Variants in RTP5 observed in about 807,000 individuals in gnomAD.
RTP5 encodes receptor-transporting protein 5.
RTP5 carries 30 observed loss-of-function variants against 23.5 expected under a neutral mutation model. That is an observed-to-expected ratio of 1.27 (90% CI 0.95 to 1.73). RTP5 has a LOEUF of 1.73. Ranked by LOEUF, RTP5 falls within the 40% of genes most tolerant of loss-of-function variation. RTP5 has a pLI of 0.00. For synonymous variants in RTP5, 354 were observed against 342.1 expected, an observed-to-expected ratio of 1.03 and a Z score of -0.38; for missense variants, 807 against 784.2, an observed-to-expected ratio of 1.03 and a Z score of -0.35.
Position 241,871,563 on chromosome 2 carries a change from G to A in RTP5, c.159-151G>A, listed in dbSNP as rs1008892965. The A allele has an allele frequency of 3.6e-6, 4 of 1,121,202 alleles. No homozygotes were observed. The Admixed American group carries it at 1.3e-4, about 35-fold the overall frequency. 69.5% of individuals were successfully genotyped at this position (1,121,202 alleles called of 1,614,324 possible). On this transcript the variant is annotated intron_variant, in intron 1 of 1. Transcript: ENST00000343216. ...TTGGCCGCGGCCCTGGGTGGCTGGG[G>A]GGTGAGGTTTGAGGTTTGAGTGTGG...
In RTP5 at chr2:241,871,849, C is replaced by A. The variant is rs200179067; in HGVS notation, c.294C>A (p.Pro98=). Residue 98 remains proline, a synonymous_variant, in exon 2 of 2, where the codon CCC becomes CCA. Transcript: ENST00000343216. The stretch of plus-strand genomic sequence containing the variant: ...GGGGCCAGCGGTGCAGGCTGTGCCC[C>A]GCACCCGGGGACTGCCAGGTGAGGC... ...RIWGQRCRLC[P]APGDCQVRPP... 2.6e-6 allele frequency: 4 copies of A among 1,547,612 alleles called. No homozygotes were observed. Among genetic ancestry groups the A allele is most frequent in the Non-Finnish European group, 3.5e-6 (4 of 1,145,316 alleles).
At position 241,872,470 on chromosome 2, in the gene RTP5, C is replaced by G. The variant is rs1184480705; in HGVS notation, c.915C>G (p.Gly305=). 6.3e-7 allele frequency: 1 copy of G among 1,597,840 alleles called. No homozygotes were observed. The highest frequency in any genetic ancestry group is 8.5e-7 in the Non-Finnish European group (1 of 1,174,230). The part of the protein sequence containing the change: ...SLCSPVGVAQ[G]WGPISLNNGL... ...GCAGCCCGGTTGGCGTGGCCCAGGG[C>G]TGGGGCCCCATCTCCCTCAACAATG... Residue 305 remains glycine, a synonymous_variant, in exon 2 of 2, where the codon GGC becomes GGG. Transcript: ENST00000343216.
chr2:241,871,728 A>G lies in RTP5; in HGVS notation c.173A>G (p.His58Arg). Residue 58 changes from histidine (H) to arginine (R), a missense_variant, in exon 2 of 2, where the codon CAC (histidine) becomes CGC (arginine). By Grantham distance (29) the His-to-Arg change is conservative. Transcript: ENST00000343216. ...LVGLSRLQCG[H>R]CPGTWDSAHV... is the part of the protein sequence containing the mutation. ...CCCCGCCGCAGGCTCCAGTGCGGTC[A>G]CTGTCCGGGGACCTGGGACTCGGCC... The G allele has an allele frequency of 6.2e-7, 1 of 1,605,844 alleles. No homozygotes were observed. The highest frequency in any genetic ancestry group is 8.5e-7 in the Non-Finnish European group (1 of 1,176,902).
chr2:241,870,412 G>A (rs866649035), intron 1 of RTP5, among the ~76,000 whole-genome samples: 6 of 152,364 alleles, frequency 3.9e-5, no homozygotes, highest in Non-Finnish European at 8.8e-5. Flanking sequence ...GCAGCAGGGC[G>A]GGCGCCATGC....
rs762376083 is a variant in RTP5 at position 241,872,500 on chromosome 2, C to T, written c.945C>T (p.Leu315=). Residue 315 remains leucine, a synonymous_variant, in exon 2 of 2, where the codon CTC becomes CTT. Transcript: ENST00000343216. ...GCCCCATCTCCCTCAACAATGGCCTCGTCCCTGTGGGGAAACACACGCCAA... is the reference window on the plus strand; with the variant it reads ...GCCCCATCTCCCTCAACAATGGCCTTGTCCCTGTGGGGAAACACACGCCAA... ...GWGPISLNNG[L]VPVGKHTPTV... The T allele has an allele frequency of 1.4e-5, 23 of 1,591,358 alleles. No homozygotes were observed. The highest frequency in any genetic ancestry group is 9.0e-5 in the South Asian group (8 of 88,856).
Position 241,872,241 on chromosome 2 carries a change from C to T in RTP5, c.686C>T (p.Ser229Phe), listed in dbSNP as rs1450115292. The change falls in exon 2 of 2, where the codon TCT becomes TTT. Residue 229 changes from serine (S) to phenylalanine (F), a missense_variant. By Grantham distance (155) the Ser-to-Phe change is radical (BLOSUM62 -2). Transcript: ENST00000343216. The part of the protein sequence containing the change: ...AEGPAPPAGA[S>F]LPVTGSCEAL... ...GGCCCTGCCCCCCCTGCGGGGGCCT[C>T]TCTCCCTGTGACTGGCAGCTGTGAG... 6.2e-7 allele frequency: 1 copy of T among 1,606,176 alleles called. No individual in the cohort carries two copies. The highest frequency in any genetic ancestry group is 8.5e-7 in the Non-Finnish European group (1 of 1,175,726).
At chr2:241,870,562 T>C (rs1461375038) in intron 1 of RTP5, among the ~76,000 whole-genome samples, 2 of 152,230 alleles carry the variant, frequency 1.3e-5, no homozygotes, top group Admixed American at 6.5e-5. Flanking sequence ...GGAGACACCC[T>C]GGGCAAAGGG....
chr2:241,870,894 G>A (rs1187001379), intron 1 of RTP5: 2 of 469,120 alleles, frequency 4.3e-6, no homozygotes, highest in East Asian at 7.0e-5. Flanking sequence ...GGCCAGTGTG[G>A]TTGGAGGCTG....
chr2:241,869,924 G>C lies in RTP5; in HGVS notation c.158+10G>C, dbSNP rs373640746. Reference sequence around the variant, plus strand: ...TGGTGGGGCTCTCGAGGTGCGGCCAGAGGTTGGGGACCCTGGGAGAGGCAG... The same window carrying C: ...TGGTGGGGCTCTCGAGGTGCGGCCACAGGTTGGGGACCCTGGGAGAGGCAG... On this transcript the variant is annotated intron_variant, in intron 1 of 1. Coordinates refer to ENST00000343216, the MANE Select transcript of RTP5 (RefSeq NM_173821.3). 799 of 1,511,462 alleles carry C rather than the reference G, an allele frequency of 5.3e-4. No individual in the cohort carries two copies. Among genetic ancestry groups the C allele is most frequent in the Non-Finnish European group, 6.6e-4 (746 of 1,133,790 alleles). The allele number at this position is 1,511,462 out of a possible 1,614,324, so 93.6% of individuals were successfully genotyped here. A position where few individuals can be genotyped will look rare whatever the true frequency, so the allele number is the denominator to read the frequency against.
chr2:241,869,861 C>A lies in RTP5; in HGVS notation c.105C>A (p.Val35=). 6.3e-7 allele frequency: 1 copy of A among 1,588,170 alleles called. No homozygotes were observed. Among genetic ancestry groups the A allele is most frequent in the Non-Finnish European group, 8.6e-7 (1 of 1,169,120 alleles). The change falls in exon 1 of 2, where the codon GTC becomes GTA. Residue 35 remains valine, a synonymous_variant. Coordinates refer to ENST00000343216, the MANE Select transcript of RTP5 (RefSeq NM_173821.3). ...VWVLLPEHSL[V]PGCLDGGGVQ... ...TTCTGCTACCTGAGCACAGCCTGGT[C>A]CCGGGATGCCTGGACGGCGGTGGTG...
chr2:241,872,387 A>G lies in RTP5; in HGVS notation c.832A>G (p.Ser278Gly). ...CTTCCACGGCCCCGGCCTCCTCGGC[A>G]GCAGCATCCAGACCTTCGAGCTCAA... ...PLFHGPGLLG[S>G]SIQTFELKGF... Residue 278 changes from serine to glycine, a missense_variant, in exon 2 of 2, where the codon AGC becomes GGC. Transcript: ENST00000343216. The G allele has an allele frequency of 6.2e-7, 1 of 1,612,500 alleles. No individual in the cohort carries two copies.
rs1171572483 is a variant in RTP5, at chr2:241,872,230, T to A, written c.675T>A (p.Pro225=). 19 of 1,607,432 alleles carry A rather than the reference T, an allele frequency of 1.2e-5. No homozygotes were observed. Among genetic ancestry groups the A allele is most frequent in the Non-Finnish European group, 1.5e-5 (18 of 1,176,434 alleles). ...CCATCGCTGAGGGCCCTGCCCCCCCTGCGGGGGCCTCTCTCCCTGTGACTG... is the reference window on the plus strand; with the variant it reads ...CCATCGCTGAGGGCCCTGCCCCCCCAGCGGGGGCCTCTCTCCCTGTGACTG... ...QVPIAEGPAP[P]AGASLPVTGS... Residue 225 remains proline (P), a synonymous_variant, in exon 2 of 2, where the codon CCT becomes CCA. Transcript: ENST00000343216.
rs767077468 is a variant in RTP5 at position 241,869,843 on chromosome 2, A to C, written c.87A>C (p.Leu29=). The change falls in exon 1 of 2, where the codon CTA becomes CTC. Residue 29 remains leucine (L), a synonymous_variant. Coordinates refer to ENST00000343216, the MANE Select transcript of RTP5 (RefSeq NM_173821.3). ...ERKPQDVWVL[L]PEHSLVPGCL... ...AGCCCCAGGACGTCTGGGTTCTGCT[A>C]CCTGAGCACAGCCTGGTCCCGGGAT... 1.9e-6 allele frequency: 3 copies of C among 1,586,258 alleles called. No homozygotes were observed. Among genetic ancestry groups the C allele is most frequent in the Non-Finnish European group, 2.6e-6 (3 of 1,168,096 alleles).
Position 241,873,387 on chromosome 2 carries a change from CGAGACCCCTTTCTCT to C in RTP5, c.*122_*136del. On this transcript the variant is annotated 3_prime_UTR_variant, in exon 2 of 2. Transcript: ENST00000343216. ...GCCTCCGAGACCCCGCCTCCACCTC[CGAGACCCCTTTCTCT>C]GAGACCCCCGCCTCTGAGGCCCCGC... The C allele has an allele frequency of 8.4e-7, 1 of 1,195,984 alleles. No individual in the cohort carries two copies. The highest frequency in any genetic ancestry group is 1.5e-5 in the South Asian group (1 of 65,694). 74.1% of individuals were successfully genotyped at this position (1,195,984 alleles called of 1,614,324 possible). A position where few individuals can be genotyped will look rare whatever the true frequency, so the allele number is the denominator to read the frequency against.
Position 241,872,362 on chromosome 2 carries a change from C to T in RTP5, c.807C>T (p.Leu269=), listed in dbSNP as rs771718997. The change falls in exon 2 of 2, where the codon CTC becomes CTT. Residue 269 remains leucine, a synonymous_variant. Transcript: ENST00000343216. ...TCCCGGTGGCCATTGGAGACCCCCT[C>T]TTCCACGGCCCCGGCCTCCTCGGCA... is the stretch of plus-strand genomic sequence containing the variant. ...KGFPVAIGDP[L]FHGPGLLGSS... is the part of the protein sequence containing the mutation. The T allele has an allele frequency of 3.1e-6, 5 of 1,612,080 alleles. No individual in the cohort carries two copies. Among genetic ancestry groups the T allele is most frequent in the South Asian group, 2.2e-5 (2 of 90,972 alleles).
In RTP5 at chr2:241,872,211, C is replaced by A; in HGVS notation, c.656C>A (p.Ala219Asp). The change falls in exon 2 of 2, where the codon GCT becomes GAT. Residue 219 changes from alanine to aspartate, a missense_variant. Physicochemically the swap from Ala to Asp is moderately radical, Grantham distance 126 (BLOSUM62 -2). Transcript: ENST00000343216. ...ACCAGCAATGACCAGGTGCCCATCG[C>A]TGAGGGCCCTGCCCCCCCTGCGGGG... is the stretch of plus-strand genomic sequence containing the variant. ...VGTSNDQVPI[A>D]EGPAPPAGAS... 1 of 1,610,946 alleles carries A rather than the reference C, an allele frequency of 6.2e-7. No individual in the cohort carries two copies. The highest frequency in any genetic ancestry group is 2.2e-5 in the East Asian group (1 of 44,778).
rs1368274286 is a variant in RTP5, at chr2:241,872,494, T to C, written c.939T>C (p.Asn313=). 1 of 1,592,598 alleles carries C rather than the reference T, an allele frequency of 6.3e-7. No individual in the cohort carries two copies. Among genetic ancestry groups the C allele is most frequent in the Non-Finnish European group, 8.5e-7 (1 of 1,169,714 alleles). ...AQGWGPISLN[N]GLVPVGKHTP... ...GCTGGGGCCCCATCTCCCTCAACAA[T>C]GGCCTCGTCCCTGTGGGGAAACACA... The change falls in exon 2 of 2, where the codon AAT becomes AAC. Residue 313 remains asparagine (N), a synonymous_variant. Coordinates refer to ENST00000343216, the MANE Select transcript of RTP5 (RefSeq NM_173821.3).
intron 1 of RTP5, 80 bp from the exon 2 acceptor site, chr2:241,871,634 G>T: frequency 6.8e-7 from 1 of 1,460,894 alleles, no homozygotes; most frequent in Non-Finnish European, 9.0e-7. Context: ...GATGGGCAAG[G>T]AGGCCGCAGA....
chr2:241,873,524 GCCCCGCCTCCACCTCCGAGA>G lies in RTP5; in HGVS notation c.*275_*294del, dbSNP rs1430537097. ...TTGAGATGCCCGCCCCGCCTCCGTGGCCCCGCCTCCACCTCCGAGACCCCGCCTCCACCTCCGAGACCCCT... is the reference window on the plus strand; with the variant it reads ...TTGAGATGCCCGCCCCGCCTCCGTGGCCCCGCCTCCACCTCCGAGACCCCT... On this transcript the variant is annotated 3_prime_UTR_variant, in exon 2 of 2. Transcript: ENST00000343216. The G allele has an allele frequency of 9.9e-5, 18 of 181,666 alleles. No homozygotes were observed. The highest frequency in any genetic ancestry group is 1.4e-4 in the African/African-American group (2 of 13,966). 11.3% of individuals were successfully genotyped at this position (181,666 alleles called of 1,614,324 possible). A position where few individuals can be genotyped will look rare whatever the true frequency, so the allele number is the denominator to read the frequency against.
Sources: allele counts gnomAD v4.1 joint callset (sites outside exome capture counted in the v4.1 genomes callset), GRCh38; gene constraint gnomAD v4.1.1; transcripts MANE v1.5; gene names NCBI Gene and HGNC (gene_info 2026-07-23, HGNC 2026-07-21).